The following LRRC3B variants were observed in gnomAD, a reference collection of about 807,000 sequenced individuals.
LRRC3B encodes the protein leucine rich repeat containing 3B, also known as leucine-rich repeat-containing protein 3B.
A neutral mutation model predicts 12.8 loss-of-function variants in LRRC3B; 2 were observed. The observed-to-expected ratio is 0.16, with a 90% confidence interval of 0.06 to 0.49. LRRC3B has a LOEUF of 0.49. LRRC3B is among the 20% of genes least tolerant of loss of function. LRRC3B has a pLI of 0.96. For missense variants in LRRC3B, 189 were observed against 319.4 expected, an observed-to-expected ratio of 0.59 and a Z score of 3.11; for synonymous variants, 132 against 122.0, an observed-to-expected ratio of 1.08 and a Z score of -0.54.
At chr3:26,640,113 G>A (rs757886457) in intron 1 of LRRC3B, among the ~76,000 whole-genome samples, 12 of 152,132 alleles carry the variant, frequency 7.9e-5, no homozygotes, top group African/African-American at 2.9e-4. Context: ...GTGGGATCTA[G>A]GAAACTGCAT....
At chr3:26,689,406 C>T (rs1196422343) in intron 1 of LRRC3B, among the ~76,000 whole-genome samples, 4 of 152,174 alleles carry the variant, frequency 2.6e-5, no homozygotes, top group African/African-American at 4.8e-5. Context: ...CAATGGTGAC[C>T]TCCTCACAGA....
chr3:26,646,368 C>T (rs1408312006), intron 1 of LRRC3B, among the ~76,000 whole-genome samples: 1 of 152,096 alleles, frequency 6.6e-6, no homozygotes, highest in Admixed American at 6.5e-5. Flanking sequence ...TTCAAACTTG[C>T]TTGAAGGAGA....
At position 26,693,969 on chromosome 3, in the gene LRRC3B, AC is replaced by A. The variant is rs546612503; in HGVS notation, c.-160-15541del. Among the ~76,000 whole-genome samples the A allele has an allele frequency of 5.9e-4, 90 of 152,244 alleles. 1 individual carries two copies. Among genetic ancestry groups the A allele is most frequent in the African/African-American group, 2.2e-3 (90 of 41,532 alleles). On this transcript the variant is annotated intron_variant, in intron 1 of 1. Transcript: ENST00000396641. Reference sequence around the variant, plus strand: ...CATTTCTTTAATAAAACAAAAAATAACCCTTAGTGATAACTATTGATTATTA... The same window carrying A: ...CATTTCTTTAATAAAACAAAAAATAACCTTAGTGATAACTATTGATTATTA...
chr3:26,656,331 C>T (rs952470796), intron 1 of LRRC3B, among the ~76,000 whole-genome samples: 4 of 152,006 alleles, frequency 2.6e-5, no homozygotes, highest in African/African-American at 7.3e-5. Context: ...CATGATTGTG[C>T]GGGCAGTTTG....
At chr3:26,661,627 A>G (rs967871287) in intron 1 of LRRC3B, among the ~76,000 whole-genome samples, 2 of 152,196 alleles carry the variant, frequency 1.3e-5, no homozygotes, top group African/African-American at 4.8e-5. Context: ...ACTCTAGCCA[A>G]CTTTATAGAA....
At chr3:26,707,063 T>C (rs374768772) in intron 1 of LRRC3B, among the ~76,000 whole-genome samples, 4 of 152,128 alleles carry the variant, frequency 2.6e-5, no homozygotes, top group East Asian at 1.9e-4. Flanking sequence ...ACTACCAATT[T>C]CGTACTGTGC....
At chr3:26,677,504 C>T (rs998540328) in intron 1 of LRRC3B, among the ~76,000 whole-genome samples, 1 of 152,170 alleles carries the variant, frequency 6.6e-6, no homozygotes, top group African/African-American at 2.4e-5. Flanking sequence ...GGCTGGCAGG[C>T]TTGTATGTGA....
chr3:26,641,190 G>A (rs1299359447), intron 1 of LRRC3B, among the ~76,000 whole-genome samples: 1 of 152,134 alleles, frequency 6.6e-6, no homozygotes, highest in Non-Finnish European at 1.5e-5. Context: ...GTGAAGAGAA[G>A]CAAGGGCAAA....
intron 1 of LRRC3B, among the ~76,000 whole-genome samples, chr3:26,636,902 CTTTCTCTCTTTCTCTCTTTCTT>C (rs1424679406): frequency 1.1e-5 from 1 of 92,668 alleles, no homozygotes; most frequent in African/African-American, 5.3e-5. Context: ...CTCTCTCTCT[CTTTCTCTCTTTCTCTCTTTCTT>C]TCTTTCTTTC....
At chr3:26,705,466 C>T (rs1056128815) in intron 1 of LRRC3B, among the ~76,000 whole-genome samples, 1 of 151,982 alleles carries the variant, frequency 6.6e-6, no homozygotes, top group Admixed American at 6.6e-5. Context: ...TGCTGTTTAA[C>T]TTGGTCCGTC....
At chr3:26,702,327 A>G (rs1700474395) in intron 1 of LRRC3B, among the ~76,000 whole-genome samples, 1 of 152,156 alleles carries the variant, frequency 6.6e-6, no homozygotes, top group African/African-American at 2.4e-5. Context: ...TCTGTTCCTC[A>G]TGCATCTGTC....
chr3:26,679,761 A>G (rs1699932153), intron 1 of LRRC3B, among the ~76,000 whole-genome samples: 2 of 152,136 alleles, frequency 1.3e-5, no homozygotes, highest in African/African-American at 2.4e-5. Context: ...GAGGGCAGAA[A>G]CCTTGTCTGT....
At chr3:26,634,237 C>CT (rs1431536164) in intron 1 of LRRC3B, among the ~76,000 whole-genome samples, 1 of 152,162 alleles carries the variant, frequency 6.6e-6, no homozygotes, top group Non-Finnish European at 1.5e-5. Context: ...CTGTGAGGAG[C>CT]TTTTTGGATG....
intron 1 of LRRC3B, among the ~76,000 whole-genome samples, chr3:26,654,029 G>T (rs1038076425): frequency 1.3e-5 from 2 of 152,128 alleles, no homozygotes; most frequent in Non-Finnish European, 2.9e-5. Flanking sequence ...TGGGGAAACA[G>T]TCCAAAGCCT....
intron 1 of LRRC3B, among the ~76,000 whole-genome samples, chr3:26,705,741 G>T (rs1208592929): frequency 6.6e-6 from 1 of 152,072 alleles, no homozygotes; most frequent in Non-Finnish European, 1.5e-5. Flanking sequence ...CCTGTATTCT[G>T]CTGGATGATA....
chr3:26,676,637 G>T (rs1699866358), intron 1 of LRRC3B, among the ~76,000 whole-genome samples: 1 of 152,184 alleles, frequency 6.6e-6, no homozygotes, highest in Non-Finnish European at 1.5e-5. Context: ...TTACATGGTT[G>T]GTGGGACTGT....
At chr3:26,697,394 T>C (rs568149612) in intron 1 of LRRC3B, among the ~76,000 whole-genome samples, 1 of 152,290 alleles carries the variant, frequency 6.6e-6, no homozygotes, top group East Asian at 1.9e-4. Flanking sequence ...TTGCCTTTTC[T>C]TCTGTGTTAG....
chr3:26,638,035 T>C (rs1195797590), intron 1 of LRRC3B, among the ~76,000 whole-genome samples: 4 of 152,214 alleles, frequency 2.6e-5, no homozygotes, highest in Non-Finnish European at 5.9e-5. Context: ...TAACAACTAA[T>C]TTAAATGGCA....
chr3:26,647,357 C>T (rs1247076122), intron 1 of LRRC3B, among the ~76,000 whole-genome samples: 4 of 152,030 alleles, frequency 2.6e-5, no homozygotes, highest in Non-Finnish European at 4.4e-5. Flanking sequence ...GAGCAGAGAC[C>T]GTAGCTTTTG....
Sources: gnomAD v4.1 joint callset for allele counts (sites outside exome capture counted in the v4.1 genomes callset) on GRCh38, gnomAD v4.1.1 for gene constraint, MANE v1.5 for transcripts, NCBI Gene and HGNC (gene_info 2026-07-23, HGNC 2026-07-21) for gene names.